The following COMMD5 variants were observed in gnomAD, a reference collection of about 807,000 sequenced individuals.
The protein encoded by COMMD5 is COMM domain containing 5.
Under a neutral mutation model 6.9 loss-of-function variants are expected in COMMD5, and 10 were observed. The ratio of observed to expected loss-of-function variants is 1.44; its 90% CI spans 0.89 to 2.45. The LOEUF (loss-of-function observed/expected upper bound fraction) is 2.45. Among genes scored for constraint, COMMD5 ranks in the 30% most tolerant of loss-of-function variants. COMMD5 has a pLI of 0.00. For synonymous variants in COMMD5, 127 were observed against 125.3 expected, an observed-to-expected ratio of 1.01 and a Z score of -0.09; for missense variants, 234 against 287.8, an observed-to-expected ratio of 0.81 and a Z score of 1.35.
intron 1 of COMMD5, chr8:144,842,859 T>C: frequency 1.2e-6 from 2 of 1,614,114 alleles, no homozygotes; most frequent in Non-Finnish European, 1.7e-6. Flanking sequence ...ATGAGTGCAG[T>C]GAGTGTGGAA....
At chr8:144,843,269 G>T (rs773950570) in intron 1 of COMMD5, 4 of 1,377,846 alleles carry the variant, frequency 2.9e-6, no homozygotes, top group South Asian at 1.5e-5. Context: ...TAGAATGTTG[G>T]TAAAGGTTCA....
chr8:144,847,652 C>A (rs2130766023), downstream of COMMD5: 1 of 152,324 alleles, frequency 6.6e-6, no homozygotes, highest in Middle Eastern at 3.4e-3. Context: ...ATCCTCAAGT[C>A]CCCAGTGCAT....
downstream of COMMD5, chr8:144,846,133 T>C (rs1365336355): frequency 1.3e-6 from 2 of 1,536,384 alleles, no homozygotes; most frequent in Non-Finnish European, 1.7e-6. Context: ...TCCTGGTTCA[T>C]GATCAGGACA....
At chr8:144,842,287 G>T in intron 1 of COMMD5, 1 of 1,614,024 alleles carries the variant, frequency 6.2e-7, no homozygotes, top group South Asian at 1.1e-5. Flanking sequence ...AATTCTAAAA[G>T]CCTCAGACAG....
At chr8:144,841,741 G>T (rs776822921) in exon 2 of COMMD5, 2 of 1,614,012 alleles carry the variant, frequency 1.2e-6, no homozygotes, top group African/African-American at 2.7e-5. Flanking sequence ...TTCAGATATC[G>T]CTCTGCATTG....
At chr8:144,841,806 T>C (rs766294573) in intron 1 of COMMD5, 4 of 1,614,176 alleles carry the variant, frequency 2.5e-6, no homozygotes, top group Non-Finnish European at 2.5e-6. Flanking sequence ...AAAAGTTATC[T>C]GACTGCTTGC....
downstream of COMMD5, chr8:144,847,594 C>T (rs1466448368): frequency 2.0e-5 from 3 of 152,220 alleles, no homozygotes; most frequent in Non-Finnish European, 4.4e-5. Context: ...TTTCTGGAAG[C>T]TTCACAAAGT....
chr8:144,841,108 C>T (rs1005958151), exon 2 of COMMD5: 19 of 486,682 alleles, frequency 3.9e-5, no homozygotes, highest in African/African-American at 3.5e-4. Flanking sequence ...CCTCTCTGCT[C>T]ACAGAACCCA....
chr8:144,842,880 C>T (rs1466713980), intron 1 of COMMD5: 1 of 1,614,226 alleles, frequency 6.2e-7, no homozygotes. Context: ...AAGCCTTCAG[C>T]CGGAGCTCAT....
At position 144,852,943 on chromosome 8, in the gene COMMD5, C is replaced by G. The variant is rs1036490440; in HGVS notation, c.-162G>C. The G allele has an allele frequency of 3.3e-5, 5 of 152,476 alleles. No individual in the cohort carries two copies. Among genetic ancestry groups the G allele is most frequent in the African/African-American group, 1.2e-4 (5 of 41,472 alleles). 9.4% of individuals were successfully genotyped at this position (152,476 alleles called of 1,614,324 possible). On this transcript the variant is annotated 5_prime_UTR_variant, in exon 1 of 2. Transcript: ENST00000305103. ...CCACACCCCCAGCTCGGGAGGGAGACTCCATCCTACTCCACCCCACGCTCC... is the reference window on the plus strand; with the variant it reads ...CCACACCCCCAGCTCGGGAGGGAGAGTCCATCCTACTCCACCCCACGCTCC...
In COMMD5 at chr8:144,851,156, C is replaced by T; in HGVS notation, c.183G>A (p.Gly61=). 1 of 1,613,398 alleles carries T rather than the reference C, an allele frequency of 6.2e-7. No individual in the cohort carries two copies. The highest frequency in any genetic ancestry group is 1.1e-5 in the South Asian group (1 of 91,086). The part of the protein sequence containing the change: ...LLKFVVSSLQ[G]EDCREAVQRL... Reference sequence around the variant, plus strand: ...GCTGCACAGCCTCTCGGCAGTCCTCCCCCTGCAGGCTGCTGACCACAAACT... The same window carrying T: ...GCTGCACAGCCTCTCGGCAGTCCTCTCCCTGCAGGCTGCTGACCACAAACT... Residue 61 remains glycine, a synonymous_variant, in exon 2 of 2, where the codon GGG becomes GGA. Coordinates refer to ENST00000305103, the MANE Select transcript of COMMD5 (RefSeq NM_014066.4).
downstream of COMMD5, among the ~76,000 whole-genome samples, chr8:144,839,135 C>T (rs1218183332): frequency 3.7e-5 from 2 of 53,784 alleles, no homozygotes; most frequent in African/African-American, 1.6e-4. Context: ...CATTCATATG[C>T]GCCTAGGGGC....
At chr8:144,839,663 G>A (rs1000078481), downstream of COMMD5, among the ~76,000 whole-genome samples, 5 of 152,226 alleles carry the variant, frequency 3.3e-5, no homozygotes, top group African/African-American at 9.7e-5. Flanking sequence ...CTGAGAGTCC[G>A]GGGCAGGGAT....
chr8:144,846,667 G>C (rs1004788816), downstream of COMMD5: 3 of 155,132 alleles, frequency 1.9e-5, no homozygotes, highest in African/African-American at 4.8e-5. Flanking sequence ...CAACAATCCA[G>C]GTTAGATATT....
chr8:144,853,117 C>T (rs925195280), upstream of COMMD5: 6 of 152,234 alleles, frequency 3.9e-5, no homozygotes, highest in African/African-American at 1.4e-4. Context: ...TCCGCTGGCC[C>T]GAGGGGCGGA....
downstream of COMMD5, chr8:144,845,915 G>C (rs138533429): frequency 1.6e-4 from 240 of 1,490,986 alleles, 1 homozygote; most frequent in African/African-American, 2.9e-3. Flanking sequence ...CAGGTAATGT[G>C]CTTAGCCAGG....
chr8:144,842,598 T>C (rs574491846), intron 1 of COMMD5: 2 of 1,614,216 alleles, frequency 1.2e-6, no homozygotes. Context: ...AGAAACCCTA[T>C]GTGTGTAATG....
At chr8:144,843,302 A>G (rs2130732430) in intron 1 of COMMD5, 5 of 1,161,038 alleles carry the variant, frequency 4.3e-6, no homozygotes, top group Middle Eastern at 5.5e-4. Context: ...AGAATATCCA[A>G]CTTCAGGCCG....
chr8:144,841,770 A>G, intron 1 of COMMD5: 1 of 1,614,106 alleles, frequency 6.2e-7, no homozygotes, highest in Non-Finnish European at 8.5e-7. Context: ...ATACACAGAA[A>G]ATTAGCAGAT....
Sources: gnomAD v4.1 joint callset for allele counts (sites outside exome capture counted in the v4.1 genomes callset) on GRCh38, gnomAD v4.1.1 for gene constraint, MANE v1.5 for transcripts, NCBI Gene and HGNC (gene_info 2026-07-23, HGNC 2026-07-21) for gene names.